PRKN: variants seen among roughly 807,000 people sequenced by gnomAD.
The protein encoded by PRKN is E3 ubiquitin-protein ligase parkin.
In PRKN, 56 loss-of-function variants were observed where a neutral mutation model predicts 59.5. That is an observed-to-expected ratio of 0.94 (90% CI 0.76 to 1.18). The LOEUF (loss-of-function observed/expected upper bound fraction) is 1.18, where lower values mean the gene tolerates loss of function less well. Ranked by LOEUF, PRKN falls within the 50% of genes most tolerant of loss-of-function variation. PRKN has a pLI of 0.00. For missense variants in PRKN, 657 were observed against 596.4 expected (o/e 1.10, Z -1.06); for synonymous variants, 250 against 222.1 (o/e 1.13, Z -1.12).
At chr6:161,674,968 A>G (rs889228799) in intron 7 of PRKN, among the ~76,000 whole-genome samples, 1 of 152,162 alleles carries the variant, frequency 6.6e-6, no homozygotes, top group Non-Finnish European at 1.5e-5. Flanking sequence ...AGGGCTTGCT[A>G]TTGATTAGCT....
At chr6:161,553,851 T>C (rs181142981) in intron 8 of PRKN, among the ~76,000 whole-genome samples, 1 of 152,358 alleles carries the variant, frequency 6.6e-6, no homozygotes, top group African/African-American at 2.4e-5. Context: ...TGAGTTTCCA[T>C]AACATGATCC....
chr6:161,889,070 TATATG>T (rs1356316509), intron 6 of PRKN, among the ~76,000 whole-genome samples: 1 of 152,112 alleles, frequency 6.6e-6, no homozygotes, highest in Non-Finnish European at 1.5e-5. Flanking sequence ...TGTACTTGGA[TATATG>T]ATCGGCAAGA....
intron 7 of PRKN, among the ~76,000 whole-genome samples, chr6:161,713,692 G>A (rs981186087): frequency 6.6e-6 from 1 of 152,034 alleles, no homozygotes; most frequent in Non-Finnish European, 1.5e-5. Flanking sequence ...ATACTCACTT[G>A]TTCACATTTA....
intron 4 of PRKN, among the ~76,000 whole-genome samples, chr6:162,166,748 C>T (rs73592363): frequency 0.018 from 2,688 of 152,184 alleles, 92 homozygotes; most frequent in African/African-American, 0.061. Context: ...AAAAAGCAAT[C>T]CTTACCCAAC....
chr6:162,300,488 A>G (rs2128113076), intron 2 of PRKN, among the ~76,000 whole-genome samples: 1 of 151,784 alleles, frequency 6.6e-6, no homozygotes, highest in South Asian at 2.1e-4. Flanking sequence ...AATGTTATGC[A>G]GCTCTCTGCG....
chr6:161,966,022 G>T (rs191211486), intron 6 of PRKN, among the ~76,000 whole-genome samples: 1 of 152,092 alleles, frequency 6.6e-6, no homozygotes, highest in East Asian at 1.9e-4. Flanking sequence ...AAAATATCTA[G>T]CTAGCTATAA....
At chr6:162,640,999 A>C (rs570972896) in intron 1 of PRKN, among the ~76,000 whole-genome samples, 245 of 152,320 alleles carry the variant, frequency 1.6e-3, no homozygotes, top group Non-Finnish European at 2.2e-3. Flanking sequence ...GATAGAGGAC[A>C]TAACTATTTC....
At chr6:162,198,376 A>T (rs554204181) in intron 4 of PRKN, among the ~76,000 whole-genome samples, 2 of 151,508 alleles carry the variant, frequency 1.3e-5, no homozygotes, top group Admixed American at 1.3e-4. Context: ...CAGCCTCTTG[A>T]TGCAGAGCAG....
chr6:162,661,370 T>C (rs1437871415), intron 1 of PRKN, among the ~76,000 whole-genome samples: 1 of 152,140 alleles, frequency 6.6e-6, no homozygotes. Context: ...TCTGTAAAAA[T>C]TCTAATGCCT....
At chr6:162,361,097 C>T (rs1384482875) in intron 2 of PRKN, among the ~76,000 whole-genome samples, 1 of 152,106 alleles carries the variant, frequency 6.6e-6, no homozygotes, top group African/African-American at 2.4e-5. Context: ...CAAGACAATC[C>T]ATCTTCTTAG....
At chr6:162,541,185 C>T (rs1778912712) in intron 1 of PRKN, among the ~76,000 whole-genome samples, 1 of 152,178 alleles carries the variant, frequency 6.6e-6, no homozygotes, top group African/African-American at 2.4e-5. Context: ...CTGCCAAAAC[C>T]CTTGCCCTCA....
intron 1 of PRKN, among the ~76,000 whole-genome samples, chr6:162,659,011 G>A (rs1192540888): frequency 6.6e-6 from 1 of 152,090 alleles, no homozygotes; most frequent in Non-Finnish European, 1.5e-5. Flanking sequence ...GTAAAACACT[G>A]AAAACTCTTC....
intron 11 of PRKN, among the ~76,000 whole-genome samples, 189 bp from the exon 12 acceptor site, chr6:161,350,400 G>T (rs1485714131): frequency 2.6e-5 from 4 of 151,576 alleles, no homozygotes; most frequent in Admixed American, 6.6e-5. Flanking sequence ...CTAAAGTGAT[G>T]ATATTCATTA....
chr6:162,312,289 G>A (rs1395281786), intron 2 of PRKN, among the ~76,000 whole-genome samples: 1 of 151,936 alleles, frequency 6.6e-6, no homozygotes, highest in African/African-American at 2.4e-5. Flanking sequence ...CATAAGACTT[G>A]CTGGCCTTTG....
At chr6:162,442,666 T>A (rs959887116) in intron 2 of PRKN, among the ~76,000 whole-genome samples, 1 of 152,118 alleles carries the variant, frequency 6.6e-6, no homozygotes, top group Non-Finnish European at 1.5e-5. Flanking sequence ...CGTTCACACT[T>A]ATTACGTTGC....
intron 1 of PRKN, among the ~76,000 whole-genome samples, chr6:162,548,165 T>A (rs1177826403): frequency 6.6e-6 from 1 of 152,132 alleles, no homozygotes; most frequent in Non-Finnish European, 1.5e-5. Flanking sequence ...GTTCAAGTGA[T>A]TCTCCTGCCT....
chr6:162,568,583 G>A, intron 1 of PRKN: 1 of 851,634 alleles, frequency 1.2e-6, no homozygotes, highest in South Asian at 1.3e-5. Context: ...AGGAGAAGGA[G>A]AAGGAGCAGA....
intron 9 of PRKN, among the ~76,000 whole-genome samples, chr6:161,513,491 G>T (rs183174305): frequency 6.7e-6 from 1 of 149,662 alleles, no homozygotes; most frequent in South Asian, 2.1e-4. Context: ...TGATCTGCCC[G>T]CCTCAGTCTC....
Position 161,451,928 on chromosome 6 carries a change from CTTTTCTTTTCTTTTACTT to C in PRKN, c.1084-65069_1084-65052del, listed in dbSNP as rs1401973767. 5.5e-5 allele frequency among the ~76,000 whole-genome samples: 8 copies of C among 145,838 alleles called. No individual in the cohort carries two copies. Among genetic ancestry groups the C allele is most frequent in the Non-Finnish European group, 7.4e-5 (5 of 67,666 alleles). ...TAAGACATTCTTTTTTTTCTTTTTT[CTTTTCTTTTCTTTTACTT>C]TTTTCTTTTCTTTTCTTTTCTTTTT... is the stretch of plus-strand genomic sequence containing the variant. On this transcript the variant is annotated intron_variant, in intron 9 of 11. Coordinates refer to ENST00000366898, the MANE Select transcript of PRKN (RefSeq NM_004562.3). This position sits in a 1 kb window ranked among gnomAD's most constrained non-coding sequence, Gnocchi z 5.9.
Sources: allele counts gnomAD v4.1 joint callset (sites outside exome capture counted in the v4.1 genomes callset), GRCh38; gene constraint gnomAD v4.1.1; non-coding constraint Gnocchi (gnomAD v3.1); transcripts MANE v1.5; gene names NCBI Gene and HGNC (gene_info 2026-07-23, HGNC 2026-07-21).